ARHGAP44: variants seen among roughly 807,000 people sequenced by gnomAD.
The protein encoded by ARHGAP44 is rho GTPase-activating protein 44.
ARHGAP44 carries 43 observed loss-of-function variants against 106.8 expected under a neutral mutation model. The observed-to-expected ratio is 0.40, with a 90% CI of 0.32 to 0.52. The LOEUF (loss-of-function observed/expected upper bound fraction) is 0.52. Ranked by LOEUF, ARHGAP44 falls within the 20% of genes least tolerant of loss-of-function variation. The probability of loss-of-function intolerance (pLI) is 0.48; values close to 1 mark genes in which losing one functional copy is unlikely to be tolerated. For missense variants in ARHGAP44, 866 were observed against 1,050.5 expected (o/e 0.82, Z 2.43); for synonymous variants, 439 against 410.3 (o/e 1.07, Z -0.85).
At chr17:12,952,427 A>C in intron 12 of ARHGAP44, 74 bp from the exon 13 acceptor site, 1 of 1,182,196 alleles carries the variant, frequency 8.5e-7, no homozygotes, top group Non-Finnish European at 1.2e-6. Flanking sequence ...TATTACAATG[A>C]TTGGTTAATA....
At chr17:12,885,794 CTT>C (rs2036865538) in intron 1 of ARHGAP44, among the ~76,000 whole-genome samples, 1 of 152,044 alleles carries the variant, frequency 6.6e-6, no homozygotes, top group Non-Finnish European at 1.5e-5. Flanking sequence ...TAATTTCTCT[CTT>C]TTTCTGAGTT....
intron 16 of ARHGAP44, among the ~76,000 whole-genome samples, chr17:12,965,121 G>A (rs1225921250): frequency 6.6e-6 from 1 of 152,152 alleles, no homozygotes; most frequent in East Asian, 1.9e-4. Flanking sequence ...GGCCCTGACA[G>A]CATCTATGAA....
chr17:12,989,677 A>G (rs1238308880), intron 20 of ARHGAP44, among the ~76,000 whole-genome samples: 1 of 152,144 alleles, frequency 6.6e-6, no homozygotes, highest in Non-Finnish European at 1.5e-5. Context: ...GGGGAATGAA[A>G]TGCAGTCGTC....
At chr17:12,950,428 G>C (rs1176045777) in intron 12 of ARHGAP44, among the ~76,000 whole-genome samples, 1 of 152,228 alleles carries the variant, frequency 6.6e-6, no homozygotes, top group African/African-American at 2.4e-5. Flanking sequence ...CAGGGCTGTA[G>C]CAGTGTGTCG....
At chr17:12,838,380 G>A (rs2035296934) in intron 1 of ARHGAP44, among the ~76,000 whole-genome samples, 1 of 152,176 alleles carries the variant, frequency 6.6e-6, no homozygotes, top group African/African-American at 2.4e-5. Flanking sequence ...GAAAGGTTTT[G>A]ACTATTTCAG....
chr17:12,948,446 G>C (rs2038908972), intron 10 of ARHGAP44, among the ~76,000 whole-genome samples: 1 of 152,094 alleles, frequency 6.6e-6, no homozygotes, highest in African/African-American at 2.4e-5. Context: ...GAGGCAGGTG[G>C]ATCACTTGAG....
chr17:12,872,360 T>G (rs1322131981), intron 1 of ARHGAP44, among the ~76,000 whole-genome samples: 1 of 152,200 alleles, frequency 6.6e-6, no homozygotes, highest in African/African-American at 2.4e-5. Context: ...ATCCTGCAAT[T>G]TCTTCTCGCT....
chr17:12,831,510 T>C (rs892138628), intron 1 of ARHGAP44, among the ~76,000 whole-genome samples: 11 of 152,122 alleles, frequency 7.2e-5, no homozygotes, highest in Non-Finnish European at 1.5e-4. Context: ...AGAGGCTCCG[T>C]AGAGTCAGGG....
intron 1 of ARHGAP44, among the ~76,000 whole-genome samples, chr17:12,861,995 C>T (rs1217294987): frequency 1.3e-5 from 2 of 152,154 alleles, no homozygotes; most frequent in African/African-American, 4.8e-5. Context: ...CATCTGCAGA[C>T]TCTGCTTATC....
chr17:12,981,329 T>C (rs7216072), intron 19 of ARHGAP44, among the ~76,000 whole-genome samples: 24,809 of 151,882 alleles, frequency 0.16, 2,130 homozygotes, highest in Non-Finnish European at 0.18. Flanking sequence ...GCGTGAGATT[T>C]CAGCATCTCA....
intron 1 of ARHGAP44, among the ~76,000 whole-genome samples, chr17:12,840,244 C>A (rs2035351589): frequency 6.6e-6 from 1 of 152,004 alleles, no homozygotes; most frequent in African/African-American, 2.4e-5. Flanking sequence ...ATGCAAATAT[C>A]CCTCCATTGT....
intron 19 of ARHGAP44, among the ~76,000 whole-genome samples, chr17:12,980,724 A>AT (rs1212706747): frequency 2.0e-5 from 3 of 152,162 alleles, no homozygotes; most frequent in Non-Finnish European, 4.4e-5. Flanking sequence ...CTGACCAGTT[A>AT]TTATCTCTTC....
intron 20 of ARHGAP44, chr17:12,987,481 A>G: frequency 4.3e-6 from 1 of 232,028 alleles, no homozygotes; most frequent in Non-Finnish European, 8.5e-6. Flanking sequence ...GAGCTGTAAC[A>G]GATCTGTTCT....
chr17:12,938,348 A>G lies in ARHGAP44; in HGVS notation c.583-2708A>G, dbSNP rs374890326. On this transcript the variant is annotated intron_variant, in intron 7 of 20. Transcript: ENST00000379672. ...GAATGAAAAAAGATTTCAAAAGTTA[A>G]TATGGAAGAATTACTAGAGCTTTGA... Among the ~76,000 whole-genome samples, 72 of 152,304 alleles carry G rather than the reference A, an allele frequency of 4.7e-4. No homozygotes were observed. In the East Asian group the frequency reaches 0.012, roughly 25 times the overall value.
At chr17:12,883,841 C>T (rs1311666933) in intron 1 of ARHGAP44, among the ~76,000 whole-genome samples, 3 of 152,096 alleles carry the variant, frequency 2.0e-5, no homozygotes, top group Non-Finnish European at 4.4e-5. Context: ...TTCAAATCCT[C>T]TATGTCCACT....
intron 1 of ARHGAP44, among the ~76,000 whole-genome samples, chr17:12,815,025 G>A (rs1398338241): frequency 6.6e-6 from 1 of 151,944 alleles, no homozygotes; most frequent in Admixed American, 6.6e-5. Flanking sequence ...AGAAACCCTG[G>A]TTTGATTTTC....
chr17:12,805,046 G>A (rs1472551720), intron 1 of ARHGAP44, among the ~76,000 whole-genome samples: 1 of 152,176 alleles, frequency 6.6e-6, no homozygotes, highest in Non-Finnish European at 1.5e-5. Context: ...TGAAATAGAG[G>A]TGGTATCTTT....
intron 1 of ARHGAP44, among the ~76,000 whole-genome samples, chr17:12,842,434 GAAAGAAAAA>G (rs1464417321): frequency 2.0e-3 from 232 of 116,676 alleles, no homozygotes; most frequent in African/African-American, 0.01. Flanking sequence ...AAAAAAAAAA[GAAAGAAAAA>G]AGAAAAGAAA....
chr17:12,822,967 T>TA (rs2034814314), intron 1 of ARHGAP44, among the ~76,000 whole-genome samples: 1 of 152,218 alleles, frequency 6.6e-6, no homozygotes, highest in Non-Finnish European at 1.5e-5. Flanking sequence ...TCTTTCTATC[T>TA]TCTTTCATCT....
Sources: gnomAD v4.1 joint callset for allele counts (sites outside exome capture counted in the v4.1 genomes callset) on GRCh38, gnomAD v4.1.1 for gene constraint, MANE v1.5 for transcripts, NCBI Gene and HGNC (gene_info 2026-07-23, HGNC 2026-07-21) for gene names.